The following LYAR variants were observed in gnomAD, a reference collection of about 807,000 sequenced individuals.
The protein encoded by LYAR is Ly1 antibody reactive, also known as cell growth-regulating nucleolar protein.
In LYAR, 37 loss-of-function variants were observed where a neutral mutation model predicts 45.2. The observed-to-expected ratio is 0.82, with a 90% CI of 0.63 to 1.08. LYAR has a LOEUF of 1.08. Ranked by LOEUF, LYAR falls within the 50% of genes least tolerant of loss-of-function variation. LYAR has a pLI of 0.00. For synonymous variants in LYAR, 176 were observed against 155.1 expected, an observed-to-expected ratio of 1.14 and a Z score of -1.00; for missense variants, 493 against 451.0, an observed-to-expected ratio of 1.09 and a Z score of -0.84.
chr4:4,269,712 G>T (rs1442996328), intron 8 of LYAR, among the ~76,000 whole-genome samples: 1 of 152,140 alleles, frequency 6.6e-6, no homozygotes, highest in Admixed American at 6.5e-5. Flanking sequence ...AGCGTAAACA[G>T]GATCTCACAC....
rs557194892 is a variant in LYAR, at chr4:4,272,597, G to A, written c.919+986C>T. Reference sequence around the variant, plus strand: ...TCTGTGTCTCTCTAAATATCTTATTGTCCTATCCTCACCCTTCTTGTGGTG... The same window carrying A: ...TCTGTGTCTCTCTAAATATCTTATTATCCTATCCTCACCCTTCTTGTGGTG... On this transcript the variant is annotated intron_variant, in intron 8 of 9. Transcript: ENST00000343470. Among the ~76,000 whole-genome samples the A allele has an allele frequency of 2.0e-5, 3 of 152,240 alleles. No homozygotes were observed. In the South Asian group the frequency reaches 6.2e-4, roughly 32 times the overall value.
At chr4:4,283,171 G>A (rs374041339) in intron 3 of LYAR, among the ~76,000 whole-genome samples, 83 of 152,314 alleles carry the variant, frequency 5.4e-4, no homozygotes, top group African/African-American at 1.9e-3. Context: ...CCCCCAAGAA[G>A]GGGTTAACTT....
chr4:4,287,331 G>C, intron 1 of LYAR, among the ~76,000 whole-genome samples: 1 of 152,206 alleles, frequency 6.6e-6, no homozygotes, highest in East Asian at 1.9e-4. Flanking sequence ...CAATTCGGCA[G>C]ACATTTCCTG....
intron 4 of LYAR, among the ~76,000 whole-genome samples, chr4:4,281,562 G>T (rs13148790): frequency 2.0e-5 from 3 of 152,016 alleles, no homozygotes; most frequent in African/African-American, 4.8e-5. Context: ...CTCGTGACTC[G>T]CCTGCCTTGG....
chr4:4,268,051 G>GTATTTGA, intron 9 of LYAR, 28 bp from the exon 10 acceptor site: 1 of 1,521,630 alleles, frequency 6.6e-7, no homozygotes, highest in Non-Finnish European at 8.8e-7. Context: ...TCAAATGAGT[G>GTATTTGA]TATTTGACCT....
At position 4,274,399 on chromosome 4, in the gene LYAR, C is replaced by T. The variant is rs759335108; in HGVS notation, c.800G>A (p.Gly267Asp). 16 of 1,613,498 alleles carry T rather than the reference C, an allele frequency of 9.9e-6. No individual in the cohort carries two copies. The highest frequency in any genetic ancestry group is 1.3e-5 in the African/African-American group (1 of 75,014). Residue 267 changes from glycine to aspartate, a missense_variant, in exon 7 of 10, where the codon GGC becomes GAC. Coordinates refer to ENST00000343470, the MANE Select transcript of LYAR (RefSeq NM_017816.3). ...DSASEEEARV[G>D]AGKRKRRHSE... ...GTGCCTCCGCTTCCTCTTCCCTGCG[C>T]CCACGCGTGCCTCTTCCTCACTGGC...
chr4:4,273,593 A>G lies in LYAR; in HGVS notation c.909T>C (p.Ala303=). 6.2e-7 allele frequency: 1 copy of G among 1,612,618 alleles called. No homozygotes were observed. The highest frequency in any genetic ancestry group is 2.2e-5 in the East Asian group (1 of 44,862). ...ACAGCAGTGATATACCTTTTGCAGG[A>G]GCCTCATCGTCTTCTGGTTCTCCGC... The part of the protein sequence containing the change: ...PEGGEPEDDE[A]PAKGKFNWKG... Residue 303 remains alanine, a synonymous_variant, in exon 8 of 10, where the codon GCT becomes GCC. Transcript: ENST00000343470.
intron 4 of LYAR, among the ~76,000 whole-genome samples, chr4:4,281,254 T>C (rs17643659): frequency 0.42 from 62,988 of 151,576 alleles, 14,753 homozygotes; most frequent in Middle Eastern, 0.57. Flanking sequence ...TTCAAGAAAT[T>C]AACAAAACAC....
At chr4:4,275,191 C>T (rs2916448) in intron 6 of LYAR, among the ~76,000 whole-genome samples, 133,804 of 152,146 alleles carry the variant, frequency 0.88, 58,951 homozygotes, top group East Asian at 0.95. Flanking sequence ...AAGGGCAAGT[C>T]ATTTATCTTT....
chr4:4,276,534 ACT>A (rs1294375599), intron 6 of LYAR, among the ~76,000 whole-genome samples: 1 of 119,458 alleles, frequency 8.4e-6, no homozygotes, highest in Non-Finnish European at 1.7e-5. Flanking sequence ...CAAGAATGAA[ACT>A]CTGTCTCAAA....
chr4:4,285,916 G>A (rs1319605598), intron 2 of LYAR, among the ~76,000 whole-genome samples: 2 of 152,178 alleles, frequency 1.3e-5, no homozygotes, highest in African/African-American at 4.8e-5. Context: ...ATACTCAAGA[G>A]TAACTGTGCC....
At position 4,283,758 on chromosome 4, in the gene LYAR, T is replaced by G. The variant is rs751033878; in HGVS notation, c.-16A>C. ...AAAATACCATTTTTAGGTAAATGGC[T>G]AAATATTCTCTATCCAAGACAGGTT... On this transcript the variant is annotated 5_prime_UTR_variant, in exon 3 of 10. Transcript: ENST00000343470. 6.2e-7 allele frequency: 1 copy of G among 1,602,292 alleles called. No homozygotes were observed. Among genetic ancestry groups the G allele is most frequent in the East Asian group, 2.2e-5 (1 of 44,790 alleles).
At chr4:4,274,906 G>A in intron 6 of LYAR, 137 bp from the exon 7 acceptor site, 1 of 759,506 alleles carries the variant, frequency 1.3e-6, no homozygotes, top group South Asian at 2.0e-5. Flanking sequence ...TTATAACTGT[G>A]ACCCCCACCA....
intron 8 of LYAR, among the ~76,000 whole-genome samples, chr4:4,270,891 TG>T (rs1201855107): frequency 2.6e-5 from 4 of 152,212 alleles, no homozygotes; most frequent in Admixed American, 2.0e-4. Context: ...TTTAAATTTT[TG>T]TGGGTACACA....
chr4:4,274,215 C>A (rs544216012), intron 7 of LYAR, 152 bp downstream of exon 7: 10 of 872,304 alleles, frequency 1.1e-5, no homozygotes, highest in Non-Finnish European at 1.6e-5. Context: ...CCAGCCTGGG[C>A]AACAGAGCAA....
intron 1 of LYAR, 160 bp downstream of exon 1, chr4:4,289,876 C>T (rs531024547): frequency 1.3e-5 from 2 of 152,386 alleles, no homozygotes; most frequent in East Asian, 3.9e-4. Flanking sequence ...ACCCTAAGTC[C>T]AGGACTCCTG....
intron 3 of LYAR, among the ~76,000 whole-genome samples, chr4:4,282,526 T>C (rs1325984975): frequency 4.6e-5 from 7 of 152,102 alleles, no homozygotes; most frequent in East Asian, 3.9e-4. Context: ...AGGTTAGCAG[T>C]TTCCAAAAAA....
chr4:4,270,169 C>A (rs1259234149), intron 8 of LYAR, among the ~76,000 whole-genome samples: 1 of 151,120 alleles, frequency 6.6e-6, no homozygotes, highest in African/African-American at 2.4e-5. Context: ...CACCAATGCA[C>A]TCCACCCTGG....
chr4:4,282,017 C>T (rs534598255), intron 3 of LYAR, 120 bp from the exon 4 acceptor site: 4 of 637,052 alleles, frequency 6.3e-6, no homozygotes, highest in South Asian at 2.0e-5. Flanking sequence ...GTCTATCACA[C>T]AAGCACCCCA....
Sources: allele counts gnomAD v4.1 joint callset (sites outside exome capture counted in the v4.1 genomes callset), GRCh38; gene constraint gnomAD v4.1.1; transcripts MANE v1.5; gene names NCBI Gene and HGNC (gene_info 2026-07-23, HGNC 2026-07-21).